Variants in SPTAN1 observed in about 807,000 individuals in gnomAD.
SPTAN1 encodes spectrin alpha chain, non-erythrocytic 1.
Under a neutral mutation model 331.3 loss-of-function variants are expected in SPTAN1, and 61 were observed. The ratio of observed to expected loss-of-function variants is 0.18; its 90% CI spans 0.15 to 0.23. The LOEUF is 0.23. SPTAN1 is among the 10% of genes least tolerant of loss of function. The pLI is 1.00. For synonymous variants in SPTAN1, 1,153 were observed against 1,173.9 expected (o/e 0.98, Z 0.36); for missense variants, 2,043 against 3,147.9 (o/e 0.65, Z 8.40).
chr9:128,624,866 T>C (rs573080395), intron 46 of SPTAN1: 4 of 605,286 alleles, frequency 6.6e-6, no homozygotes, highest in Non-Finnish European at 1.2e-5. Context: ...CCACGTGTCC[T>C]GGGTAGTAGT....
At chr9:128,561,015 CAAAA>C (rs10648319) in intron 1 of SPTAN1, among the ~76,000 whole-genome samples, 9 of 60,314 alleles carry the variant, frequency 1.5e-4, no homozygotes, top group African/African-American at 4.9e-4. Flanking sequence ...GACCCCATCT[CAAAA>C]AAAAAAAAAA....
intron 52 of SPTAN1, 34 bp downstream of exon 52, chr9:128,630,409 C>T (rs906866896): frequency 7.5e-6 from 12 of 1,610,042 alleles, no homozygotes; most frequent in African/African-American, 2.7e-5. Flanking sequence ...CCAGCAGAGA[C>T]CCTTCACCCA....
chr9:128,608,101 T>C, intron 33 of SPTAN1, 29 bp from the exon 34 acceptor site: 1 of 1,614,158 alleles, frequency 6.2e-7, no homozygotes, highest in Non-Finnish European at 8.5e-7. Context: ...AAGGGCCTCA[T>C]TTTCTCACCT....
Position 128,604,313 on chromosome 9 carries a change from T to G in SPTAN1, c.3628-13T>G. 6.2e-7 allele frequency: 1 copy of G among 1,613,792 alleles called. No individual in the cohort carries two copies. The highest frequency in any genetic ancestry group is 1.1e-5 in the South Asian group (1 of 90,966). On this transcript the variant is annotated splice_polypyrimidine_tract_variant and intron_variant, in intron 28 of 56. Transcript: ENST00000372739. ...AGGGAGTGCAGTGGAGCTGATGTTT[T>G]GCTGTCCTGCAGGAGCTGAATGAGC...
intron 45 of SPTAN1, among the ~76,000 whole-genome samples, chr9:128,624,074 T>C (rs1188293296): frequency 7.7e-6 from 1 of 130,006 alleles, no homozygotes; most frequent in East Asian, 2.2e-4. Flanking sequence ...CGGAGTGAAA[T>C]TCACTCCGTC....
chr9:128,591,354 C>T (rs1176819136), intron 21 of SPTAN1, 123 bp from the exon 22 acceptor site: 6 of 1,291,852 alleles, frequency 4.6e-6, no homozygotes, highest in Non-Finnish European at 5.6e-6. Flanking sequence ...GTGTGAGCCA[C>T]TGTGGCCGGC....
rs771600903 is a variant in SPTAN1, at chr9:128,584,018, A to G, written c.2193+49A>G. On this transcript the variant is annotated intron_variant, in intron 16 of 56. Coordinates refer to ENST00000372739, the MANE Select transcript of SPTAN1 (RefSeq NM_001130438.3). ...TTGGGCAAGTGAATGCAGAAACTAT[A>G]GGAGGGAGGAAAAGCCAGTAATTTG... 7 of 1,610,294 alleles carry G rather than the reference A, an allele frequency of 4.3e-6. No homozygotes were observed. In the South Asian group the frequency reaches 7.7e-5, roughly 18 times the overall value.
chr9:128,607,669 T>A lies in SPTAN1; in HGVS notation c.4112T>A (p.Val1371Asp). ...TCCTCAGATGAGCTAGCCAAGGATG[T>A]CACCGGAGCTGAGGCATTGCTGGAG... ...LVSSDELAKD[V>D]TGAEALLERH... Residue 1371 changes from valine to aspartate, a missense_variant, in exon 32 of 57, where the codon GTC becomes GAC. Coordinates refer to ENST00000372739, the MANE Select transcript of SPTAN1 (RefSeq NM_001130438.3). 1 of 1,614,072 alleles carries A rather than the reference T, an allele frequency of 6.2e-7. No individual in the cohort carries two copies. The highest frequency in any genetic ancestry group is 8.5e-7 in the Non-Finnish European group (1 of 1,180,016).
rs1312669546 is a variant in SPTAN1, at chr9:128,577,605, G to T, written c.1085+99G>T. ...GGTCTGTTCTGTGTTCTGTGAAAGTGTCAGGTATCACCTACAAATGCAAAT... is the reference window on the plus strand; with the variant it reads ...GGTCTGTTCTGTGTTCTGTGAAAGTTTCAGGTATCACCTACAAATGCAAAT... On this transcript the variant is annotated intron_variant, in intron 8 of 56. Coordinates refer to ENST00000372739, the MANE Select transcript of SPTAN1 (RefSeq NM_001130438.3). This position sits in a 1 kb window ranked among gnomAD's most constrained non-coding sequence, Gnocchi z 4.2. 2.0e-6 allele frequency: 3 copies of T among 1,514,218 alleles called. No homozygotes were observed. The highest frequency in any genetic ancestry group is 2.7e-5 in the African/African-American group (2 of 73,076). 93.8% of individuals were successfully genotyped at this position (1,514,218 alleles called of 1,614,324 possible).
chr9:128,570,328 ATATTTTT>A (rs1190923407), intron 3 of SPTAN1, among the ~76,000 whole-genome samples: 46 of 73,556 alleles, frequency 6.3e-4, no homozygotes, highest in East Asian at 3.2e-3. Context: ...ATATATATAT[ATATTTTT>A]TTTTTTTTTT....
chr9:128,599,282 G>A (rs769338215), intron 26 of SPTAN1: 43 of 418,012 alleles, frequency 1.0e-4, no homozygotes, highest in Non-Finnish European at 1.7e-4. Flanking sequence ...TTCCACGCAT[G>A]TGGCACCACA....
At position 128,618,730 on chromosome 9, in the gene SPTAN1, G is replaced by A. The variant is rs575642896; in HGVS notation, c.5601-141G>A. ...GATCTCCTGATCTCGTGATCTGCCC[G>A]CCTCGGCCTCCCAAAGTGCTGGGAT... On this transcript the variant is annotated intron_variant, in intron 43 of 56. Transcript: ENST00000372739. The A allele has an allele frequency of 2.1e-5, 26 of 1,214,392 alleles. No individual in the cohort carries two copies. The East Asian group carries it at 3.6e-4, about 17-fold the overall frequency. 75.2% of individuals were successfully genotyped at this position (1,214,392 alleles called of 1,614,324 possible). A position where few individuals can be genotyped will look rare whatever the true frequency, so the allele number is the denominator to read the frequency against.
intron 45 of SPTAN1, chr9:128,621,865 G>C (rs1300305449): frequency 6.0e-6 from 1 of 166,118 alleles, no homozygotes; most frequent in African/African-American, 2.4e-5. Flanking sequence ...CTCCCACACA[G>C]AAGCTCTAGA....
chr9:128,590,978 T>C (rs1236134345), intron 21 of SPTAN1, among the ~76,000 whole-genome samples: 1 of 152,226 alleles, frequency 6.6e-6, no homozygotes, highest in Non-Finnish European at 1.5e-5. Flanking sequence ...GCATTGCTCT[T>C]CTGCCTGTGA....
chr9:128,632,005 T>A (rs1859827387), intron 52 of SPTAN1, 122 bp from the exon 53 acceptor site: 1 of 976,738 alleles, frequency 1.0e-6, no homozygotes, highest in African/African-American at 1.6e-5. Flanking sequence ...TTCTAGAATG[T>A]TCTTGTTTTA....
rs1284912836 is a variant in SPTAN1 at position 128,625,637 on chromosome 9, G to C, written c.6070-132G>C. Reference sequence around the variant, plus strand: ...AGCAGGAAAGGGGGCATGTGTGACTGAGTCTCAGCAGTGTCCAGGTGGACA... The same window carrying C: ...AGCAGGAAAGGGGGCATGTGTGACTCAGTCTCAGCAGTGTCCAGGTGGACA... On this transcript the variant is annotated intron_variant, in intron 47 of 56. Coordinates refer to ENST00000372739, the MANE Select transcript of SPTAN1 (RefSeq NM_001130438.3). This position sits in a 1 kb window ranked among gnomAD's most constrained non-coding sequence, Gnocchi z 4.1. The C allele has an allele frequency of 1.2e-6, 1 of 846,240 alleles. No individual in the cohort carries two copies. 52.4% of individuals were successfully genotyped at this position (846,240 alleles called of 1,614,324 possible).
chr9:128,555,282 T>C (rs1170831690), intron 1 of SPTAN1: 10 of 1,101,874 alleles, frequency 9.1e-6, no homozygotes, highest in Non-Finnish European at 1.2e-5. Context: ...ATAATCTGTT[T>C]TCTTCATGAT....
intron 24 of SPTAN1, among the ~76,000 whole-genome samples, chr9:128,598,061 G>T (rs910162346): frequency 3.1e-4 from 47 of 152,202 alleles, no homozygotes; most frequent in Admixed American, 2.5e-3. Context: ...CGATTCTCCT[G>T]CCTCAGCCTC....
Position 128,581,242 on chromosome 9 carries a change from G to A in SPTAN1, c.1461+183G>A, listed in dbSNP as rs2131094499. On this transcript the variant is annotated intron_variant, in intron 11 of 56. Coordinates refer to ENST00000372739, the MANE Select transcript of SPTAN1 (RefSeq NM_001130438.3). ...GCATCTCTCCCTGCTGAGATTGCAA[G>A]GCCTTCAGAAAAGGCCCCAGCTTTT... Among the ~76,000 whole-genome samples the A allele has an allele frequency of 1.3e-5, 2 of 152,308 alleles. 1 individual carries two copies.
Sources: allele counts gnomAD v4.1 joint callset (sites outside exome capture counted in the v4.1 genomes callset), GRCh38; gene constraint gnomAD v4.1.1; non-coding constraint Gnocchi (gnomAD v3.1); transcripts MANE v1.5; gene names NCBI Gene and HGNC (gene_info 2026-07-23, HGNC 2026-07-21).